The following PLXDC2 variants were observed in gnomAD, a reference collection of about 807,000 sequenced individuals.
PLXDC2 encodes plexin domain containing 2, also known as plexin domain-containing protein 2.
In PLXDC2, 40 loss-of-function variants were observed where a neutral mutation model predicts 68.9. The observed-to-expected ratio is 0.58, with a 90% CI of 0.45 to 0.76. PLXDC2 has a LOEUF of 0.76. PLXDC2 is among the 30% of genes least tolerant of loss of function. PLXDC2 has a pLI of 0.00. For synonymous variants in PLXDC2, 243 were observed against 234.2 expected (o/e 1.04, Z -0.34); for missense variants, 644 against 661.9 (o/e 0.97, Z 0.30).
At chr10:20,186,254 G>T (rs1834681214) in intron 9 of PLXDC2, among the ~76,000 whole-genome samples, 1 of 151,930 alleles carries the variant, frequency 6.6e-6, no homozygotes, top group Admixed American at 6.6e-5. Flanking sequence ...CAGAAAGAGA[G>T]AACTGCTGTC....
chr10:20,192,167 G>A (rs1250733382), intron 9 of PLXDC2, among the ~76,000 whole-genome samples: 1 of 151,992 alleles, frequency 6.6e-6, no homozygotes, highest in African/African-American at 2.4e-5. Flanking sequence ...AGGCTGCATG[G>A]ATTGTAGAAG....
chr10:20,090,581 T>G, intron 4 of PLXDC2, among the ~76,000 whole-genome samples: 1 of 152,266 alleles, frequency 6.6e-6, no homozygotes, highest in African/African-American at 2.4e-5. Context: ...AATATAATAT[T>G]TAAGGTACAT....
intron 1 of PLXDC2, among the ~76,000 whole-genome samples, chr10:19,977,176 C>T (rs977929370): frequency 1.3e-5 from 2 of 152,158 alleles, no homozygotes; most frequent in Non-Finnish European, 2.9e-5. Context: ...GCTAGAAAGC[C>T]GATTGGCATT....
intron 13 of PLXDC2, among the ~76,000 whole-genome samples, chr10:20,277,045 C>T (rs1836015916): frequency 6.6e-6 from 1 of 151,814 alleles, no homozygotes; most frequent in Non-Finnish European, 1.5e-5. Flanking sequence ...CCCGTCTCTA[C>T]TAAAAATACA....
At chr10:20,254,337 A>T (rs1431394310) in intron 13 of PLXDC2, among the ~76,000 whole-genome samples, 3 of 152,202 alleles carry the variant, frequency 2.0e-5, no homozygotes, top group Non-Finnish European at 2.9e-5. Context: ...GCATTTGCTA[A>T]GAGTTTGGCA....
At chr10:20,092,203 G>A (rs1833288847) in intron 4 of PLXDC2, among the ~76,000 whole-genome samples, 1 of 152,046 alleles carries the variant, frequency 6.6e-6, no homozygotes, top group African/African-American at 2.4e-5. Flanking sequence ...GTAATTGAGG[G>A]GCAGGGCTTT....
chr10:20,130,243 T>C (rs1833849358), intron 4 of PLXDC2, among the ~76,000 whole-genome samples: 1 of 152,136 alleles, frequency 6.6e-6, no homozygotes. Flanking sequence ...ATAAAATTAT[T>C]TCTAAATATT....
chr10:19,938,811 T>C (rs1193711197), intron 1 of PLXDC2, among the ~76,000 whole-genome samples: 1 of 152,162 alleles, frequency 6.6e-6, no homozygotes, highest in African/African-American at 2.4e-5. Flanking sequence ...TAGAGTTGGG[T>C]CAGAGGAAGA....
chr10:20,052,735 AAAAAAAG>A (rs1451549245), intron 3 of PLXDC2, among the ~76,000 whole-genome samples: 1 of 151,118 alleles, frequency 6.6e-6, no homozygotes, highest in Non-Finnish European at 1.5e-5. Context: ...AAAAAAAAAA[AAAAAAAG>A]AAAGAAAGAA....
At chr10:19,993,416 A>T (rs571853176) in intron 1 of PLXDC2, among the ~76,000 whole-genome samples, 1 of 152,016 alleles carries the variant, frequency 6.6e-6, no homozygotes, top group African/African-American at 2.4e-5. Flanking sequence ...GTGTATTTTT[A>T]TTTATTTATT....
chr10:20,189,516 CACATATAT>C (rs1167716216), intron 9 of PLXDC2, among the ~76,000 whole-genome samples: 26 of 89,764 alleles, frequency 2.9e-4, no homozygotes, highest in African/African-American at 1.0e-3. Flanking sequence ...CACATACACA[CACATATAT>C]ATACACACAC....
intron 1 of PLXDC2, among the ~76,000 whole-genome samples, chr10:19,881,154 C>G (rs1013109986): frequency 2.6e-5 from 4 of 151,858 alleles, no homozygotes; most frequent in Non-Finnish European, 5.9e-5. Context: ...CTTGCTCTGT[C>G]ACCCAGGCTG....
intron 4 of PLXDC2, among the ~76,000 whole-genome samples, chr10:20,082,569 C>A (rs1336824292): frequency 6.6e-6 from 1 of 152,038 alleles, no homozygotes; most frequent in East Asian, 1.9e-4. Context: ...TTTTAAAAAA[C>A]AAGTTTTGTA....
At chr10:20,258,454 T>C (rs1000867144) in intron 13 of PLXDC2, among the ~76,000 whole-genome samples, 4 of 152,216 alleles carry the variant, frequency 2.6e-5, no homozygotes, top group Non-Finnish European at 5.9e-5. Flanking sequence ...AACAGTTTTA[T>C]AGAATTTTTA....
intron 3 of PLXDC2, among the ~76,000 whole-genome samples, chr10:20,057,001 G>A (rs1293410461): frequency 1.3e-5 from 2 of 152,088 alleles, no homozygotes; most frequent in African/African-American, 4.8e-5. Flanking sequence ...CATGTCTCAG[G>A]TGCAATAAAC....
At chr10:20,026,642 G>T (rs1262559872) in intron 2 of PLXDC2, among the ~76,000 whole-genome samples, 1 of 151,932 alleles carries the variant, frequency 6.6e-6, no homozygotes, top group Non-Finnish European at 1.5e-5. Flanking sequence ...ATTCCAACAT[G>T]CAGACAAGTC....
intron 1 of PLXDC2, among the ~76,000 whole-genome samples, chr10:19,914,895 CTACTT>C (rs1833337785): frequency 6.6e-6 from 1 of 152,148 alleles, no homozygotes; most frequent in Non-Finnish European, 1.5e-5. Context: ...GGTCTGAAGT[CTACTT>C]TATGTGGTAT....
intron 12 of PLXDC2, among the ~76,000 whole-genome samples, chr10:20,227,635 G>T (rs1040503152): frequency 1.3e-5 from 2 of 152,162 alleles, no homozygotes; most frequent in Non-Finnish European, 2.9e-5. Context: ...AATAAGTGGA[G>T]TGTCAGCATT....
chr10:19,975,020 G>A (rs1238378371), intron 1 of PLXDC2, among the ~76,000 whole-genome samples: 1 of 151,938 alleles, frequency 6.6e-6, no homozygotes, highest in Non-Finnish European at 1.5e-5. Context: ...AACCATCATC[G>A]GCTCTGTCAT....
Sources: allele counts gnomAD v4.1 joint callset (sites outside exome capture counted in the v4.1 genomes callset), GRCh38; gene constraint gnomAD v4.1.1; transcripts MANE v1.5; gene names NCBI Gene and HGNC (gene_info 2026-07-23, HGNC 2026-07-21).